SLC6A18: variants seen among roughly 807,000 people sequenced by gnomAD.
The protein encoded by SLC6A18 is solute carrier family 6 member 18, also known as inactive sodium-dependent neutral amino acid transporter B(0)AT3.
In SLC6A18, 58 loss-of-function variants were observed where a neutral mutation model predicts 62.9. The ratio of observed to expected loss-of-function variants is 0.92; its 90% CI spans 0.75 to 1.15. The LOEUF is 1.15. SLC6A18 is among the 50% of genes most tolerant of loss of function. SLC6A18 has a pLI of 0.00. For synonymous variants in SLC6A18, 382 were observed against 365.8 expected, an observed-to-expected ratio of 1.04 and a Z score of -0.51; for missense variants, 793 against 836.6, an observed-to-expected ratio of 0.95 and a Z score of 0.64.
At chr5:1,233,794 T>A (rs563445115) in intron 3 of SLC6A18, among the ~76,000 whole-genome samples, 9 of 149,632 alleles carry the variant, frequency 6.0e-5, no homozygotes, top group Non-Finnish European at 1.2e-4. Context: ...CAGGCTGGAG[T>A]GCAGTGGTGC....
chr5:1,246,122 C>G lies in SLC6A18; in HGVS notation c.*44C>G, dbSNP rs755265357. 1.3e-3 allele frequency: 1,940 copies of G among 1,499,328 alleles called. 2 individuals carry two copies. The highest frequency in any genetic ancestry group is 1.5e-3 in the Non-Finnish European group (1,645 of 1,127,930). The allele number at this position is 1,499,328 out of a possible 1,614,324, so 92.9% of individuals were successfully genotyped here. On this transcript the variant is annotated 3_prime_UTR_variant, in exon 12 of 12. Coordinates refer to ENST00000324642, the MANE Select transcript of SLC6A18 (RefSeq NM_182632.3). The stretch of plus-strand genomic sequence containing the variant: ...CTGCATGGGCGGGTCTGTGGGGGGG[C>G]TTGGCCTGATGGTGGGCGGGGCCCC...
chr5:1,231,979 C>G (rs1746741332), intron 1 of SLC6A18, among the ~76,000 whole-genome samples: 1 of 152,204 alleles, frequency 6.6e-6, no homozygotes, highest in African/African-American at 2.4e-5. Context: ...TCCTTTTGGG[C>G]CCCCTGCTCC....
intron 4 of SLC6A18, among the ~76,000 whole-genome samples, chr5:1,237,240 CAAA>C (rs61528804): frequency 3.0e-3 from 227 of 76,454 alleles, no homozygotes; most frequent in African/African-American, 0.01. Context: ...GACTCTGTCT[CAAA>C]AAAAAAAAAA....
chr5:1,239,998 G>A (rs550776418), intron 6 of SLC6A18, among the ~76,000 whole-genome samples: 3 of 152,336 alleles, frequency 2.0e-5, no homozygotes, highest in East Asian at 1.9e-4. Context: ...CTTATTTCCC[G>A]TGGCTGCCAG....
rs1162927924 is a variant in SLC6A18, at chr5:1,243,766, G to A, written c.1336+7G>A. On this transcript the variant is annotated splice_region_variant and intron_variant, in intron 9 of 11. Coordinates refer to ENST00000324642, the MANE Select transcript of SLC6A18 (RefSeq NM_182632.3). The surrounding 1 kb of genome is among the most constrained non-coding windows in gnomAD (Gnocchi z 6.5). ...CCCAAGGAGGCCCTGACTGGTGAGC[G>A]CACAGCTCCGCCGCCCTGGAGGACC... 1.4e-5 allele frequency: 22 copies of A among 1,589,158 alleles called. No homozygotes were observed. The highest frequency in any genetic ancestry group is 9.4e-5 in the African/African-American group (7 of 74,502).
Position 1,246,030 on chromosome 5 carries a change from G to A in SLC6A18, c.1839G>A (p.Thr613=), listed in dbSNP as rs1204866570. The change falls in exon 12 of 12, where the codon ACG becomes ACA. Residue 613 remains threonine, a synonymous_variant. Transcript: ENST00000324642. ...CAGACACGGACATGCGCCCGGACAC[G>A]GACACGCGCCCAGACACGGACATGC... The part of the protein sequence containing the change: ...ARPDTDMRPD[T]DTRPDTDMRP... The A allele has an allele frequency of 2.5e-6, 4 of 1,593,874 alleles. No homozygotes were observed. The highest frequency in any genetic ancestry group is 1.7e-5 in the Admixed American group (1 of 59,006).
chr5:1,228,870 T>G (rs1420175102), intron 1 of SLC6A18, among the ~76,000 whole-genome samples: 1 of 152,202 alleles, frequency 6.6e-6, no homozygotes, highest in Non-Finnish European at 1.5e-5. Context: ...AGATGCTGTC[T>G]CAAAACAAAC....
chr5:1,240,776 G>C, intron 7 of SLC6A18, 117 bp downstream of exon 7: 1 of 1,402,520 alleles, frequency 7.1e-7, no homozygotes, highest in African/African-American at 1.4e-5. Flanking sequence ...TTTCTGTAGG[G>C]GTGTGGAGTG....
chr5:1,242,895 G>A, intron 8 of SLC6A18, 32 bp downstream of exon 8: 1 of 1,561,966 alleles, frequency 6.4e-7, no homozygotes, highest in Non-Finnish European at 8.7e-7. Flanking sequence ...TAGCCAGGCA[G>A]GGCCGTCCAC....
At chr5:1,235,708 C>T (rs1343468952) in intron 4 of SLC6A18, 46 bp downstream of exon 4, 4 of 1,592,374 alleles carry the variant, frequency 2.5e-6, no homozygotes, top group Non-Finnish European at 3.4e-6. Flanking sequence ...TCCTCCAGCC[C>T]CCAAGACCCC....
chr5:1,239,652 G>A, intron 6 of SLC6A18, 90 bp downstream of exon 6: 2 of 1,039,600 alleles, frequency 1.9e-6, no homozygotes, highest in Admixed American at 1.8e-5. Flanking sequence ...GTGGATCCAA[G>A]GGTGGCCTTG....
Position 1,243,581 on chromosome 5 carries a change from C to T in SLC6A18, c.1158C>T (p.Phe386=), listed in dbSNP as rs775100753. The T allele has an allele frequency of 1.8e-5, 29 of 1,613,732 alleles. No homozygotes were observed. Among genetic ancestry groups the T allele is most frequent in the African/African-American group, 2.7e-5 (2 of 74,904 alleles). The stretch of plus-strand genomic sequence containing the variant: ...GTGCCTCGGGCCCGGGCCTGGCCTT[C>T]GTCGTCTTCACGGAGACCGACCTCC... ...DKSASGPGLA[F]VVFTETDLHM... is the part of the protein sequence containing the mutation. The change falls in exon 9 of 12, where the codon TTC becomes TTT. Residue 386 remains phenylalanine (F), a synonymous_variant. Coordinates refer to ENST00000324642, the MANE Select transcript of SLC6A18 (RefSeq NM_182632.3). This position sits in a 1 kb window ranked among gnomAD's most constrained non-coding sequence, Gnocchi z 6.5.
Position 1,232,247 on chromosome 5 carries a change from G to T in SLC6A18, c.189G>T (p.Ala63=), listed in dbSNP as rs377334984. The change falls in exon 2 of 12, where the codon GCG becomes GCT. Residue 63 remains alanine, a synonymous_variant. Coordinates refer to ENST00000324642, the MANE Select transcript of SLC6A18 (RefSeq NM_182632.3). ...GGAFLIPYVI[A]LVFEGIPIFH... ...CCTTCCTCATCCCCTACGTCATCGC[G>T]CTGGTCTTCGAGGGGATCCCCATTT... is the stretch of plus-strand genomic sequence containing the variant. The T allele has an allele frequency of 1.8e-5, 29 of 1,612,626 alleles. No individual in the cohort carries two copies. The highest frequency in any genetic ancestry group is 1.9e-5 in the Non-Finnish European group (23 of 1,179,798).
chr5:1,231,274 G>A (rs1452847489), intron 1 of SLC6A18, among the ~76,000 whole-genome samples: 1 of 152,226 alleles, frequency 6.6e-6, no homozygotes, highest in Non-Finnish European at 1.5e-5. Flanking sequence ...ACTAGCTCCA[G>A]GAAGTGGAGC....
chr5:1,225,744 C>G, intron 1 of SLC6A18, 107 bp downstream of exon 1: 1 of 1,357,124 alleles, frequency 7.4e-7, no homozygotes, highest in African/African-American at 1.5e-5. Context: ...GGCAGAGTCA[C>G]TCCTCCTGGA....
Position 1,244,596 on chromosome 5 carries a change from C to T in SLC6A18, c.1497-12C>T, listed in dbSNP as rs369149537. On this transcript the variant is annotated splice_polypyrimidine_tract_variant and intron_variant, in intron 10 of 11. Transcript: ENST00000324642. ...CAGACCATGTGAAGCCTGAGCCCAGCATCTGGTGCAGGTTCTGCGATGACA... is the reference window on the plus strand; with the variant it reads ...CAGACCATGTGAAGCCTGAGCCCAGTATCTGGTGCAGGTTCTGCGATGACA... The T allele has an allele frequency of 3.2e-6, 5 of 1,583,652 alleles. No homozygotes were observed. Among genetic ancestry groups the T allele is most frequent in the Non-Finnish European group, 3.4e-6 (4 of 1,161,034 alleles).
chr5:1,233,036 C>CACAGA, intron 3 of SLC6A18, 148 bp downstream of exon 3: 1 of 1,183,134 alleles, frequency 8.5e-7, no homozygotes, highest in Non-Finnish European at 1.2e-6. Context: ...TGCACATGCA[C>CACAGA]GCGCCTCGGT....
At position 1,228,708 on chromosome 5, in the gene SLC6A18, T is replaced by TA. The variant is rs200895606; in HGVS notation, c.160+3077dup. 3.9e-3 allele frequency among the ~76,000 whole-genome samples: 595 copies of TA among 152,264 alleles called. 13 individuals are homozygous for TA. The highest frequency in any genetic ancestry group is 0.034 in the Admixed American group (524 of 15,296). On this transcript the variant is annotated intron_variant, in intron 1 of 11. Transcript: ENST00000324642. ...GCAACATGGCAAAACCCTGTCTCCA[T>TA]AAAAAATATAAAAATTAGCCGGGCG...
At chr5:1,226,310 A>G (rs2126522478) in intron 1 of SLC6A18, among the ~76,000 whole-genome samples, 1 of 152,244 alleles carries the variant, frequency 6.6e-6, no homozygotes, top group African/African-American at 2.4e-5. Flanking sequence ...TCTGCTCTCC[A>G]TGTGGCGACA....
Sources: gnomAD v4.1 joint callset for allele counts (sites outside exome capture counted in the v4.1 genomes callset) on GRCh38, gnomAD v4.1.1 for gene constraint, Gnocchi (gnomAD v3.1) non-coding constraint, MANE v1.5 for transcripts, NCBI Gene and HGNC (gene_info 2026-07-23, HGNC 2026-07-21) for gene names.